Variants in LGR5 observed in about 807,000 individuals in gnomAD.
The protein encoded by LGR5 is leucine-rich repeat-containing G protein-coupled receptor 5.
Under a neutral mutation model 76.7 loss-of-function variants are expected in LGR5, and 54 were observed. The ratio of observed to expected loss-of-function variants is 0.70; its 90% CI spans 0.57 to 0.88. The LOEUF is 0.88. Among genes scored for constraint, LGR5 ranks in the 40% least tolerant of loss-of-function variants. The probability of loss-of-function intolerance (pLI) is 0.00; values close to 1 mark genes in which losing one functional copy is unlikely to be tolerated. For missense variants in LGR5, 1,078 were observed against 1,073.3 expected (o/e 1.00, Z -0.06); for synonymous variants, 406 against 421.9 (o/e 0.96, Z 0.46).
At chr12:71,499,214 G>A (rs535435009) in intron 1 of LGR5, among the ~76,000 whole-genome samples, 2 of 152,212 alleles carry the variant, frequency 1.3e-5, no homozygotes, top group East Asian at 3.9e-4. Flanking sequence ...GAGAGCAACA[G>A]CCTAGGTTTT....
chr12:71,552,156 A>C (rs768037010), intron 4 of LGR5, among the ~76,000 whole-genome samples: 1 of 152,110 alleles, frequency 6.6e-6, no homozygotes, highest in Non-Finnish European at 1.5e-5. Flanking sequence ...AACCTAGATG[A>C]TGTGTTGATA....
In LGR5 at chr12:71,578,713, A is replaced by G. The variant is rs914522404; in HGVS notation, c.1281-91A>G. On this transcript the variant is annotated intron_variant, in intron 14 of 17. Coordinates refer to ENST00000266674, the MANE Select transcript of LGR5 (RefSeq NM_003667.4). The stretch of plus-strand genomic sequence containing the variant: ...CCCTGCTTAGAAGTTTTTATTGAGT[A>G]GTTTAACGATCTTTAGGTTGTTGTT... 3.0e-5 allele frequency: 38 copies of G among 1,278,986 alleles called. No individual in the cohort carries two copies. In the African/African-American group the frequency reaches 5.4e-4, roughly 18 times the overall value. 79.2% of individuals were successfully genotyped at this position (1,278,986 alleles called of 1,614,324 possible). A position where few individuals can be genotyped will look rare whatever the true frequency, so the allele number is the denominator to read the frequency against.
At chr12:71,479,560 G>A (rs1348712466) in intron 1 of LGR5, among the ~76,000 whole-genome samples, 1 of 152,130 alleles carries the variant, frequency 6.6e-6, no homozygotes, top group East Asian at 1.9e-4. Context: ...TGGAGAGGAG[G>A]GAGGCAGGGA....
At chr12:71,572,508 T>C (rs969420733) in intron 12 of LGR5, among the ~76,000 whole-genome samples, 2 of 152,216 alleles carry the variant, frequency 1.3e-5, no homozygotes, top group African/African-American at 4.8e-5. Flanking sequence ...CAAATCCATC[T>C]GTAAAAGGTA....
rs560530935 is a variant in LGR5, at chr12:71,570,520, C to T, written c.1071-994C>T. Reference sequence around the variant, plus strand: ...ATATGTGTGTCCATTTTATTATATTCGCTATTTTTCAAAAATACATACCAT... The same window carrying T: ...ATATGTGTGTCCATTTTATTATATTTGCTATTTTTCAAAAATACATACCAT... On this transcript the variant is annotated intron_variant, in intron 11 of 17. Transcript: ENST00000266674. 8.3e-4 allele frequency among the ~76,000 whole-genome samples: 126 copies of T among 152,054 alleles called. 1 individual carries two copies. The highest frequency in any genetic ancestry group is 1.3e-3 in the African/African-American group (52 of 41,486).
intron 2 of LGR5, among the ~76,000 whole-genome samples, chr12:71,507,697 C>T (rs1332816591): frequency 3.9e-5 from 6 of 152,048 alleles, no homozygotes; most frequent in African/African-American, 9.7e-5. Context: ...AACTAATAAA[C>T]GACCACCCAT....
chr12:71,448,084 A>AACACACACACACACACACACACAC (rs35911721), intron 1 of LGR5, among the ~76,000 whole-genome samples: 381 of 145,672 alleles, frequency 2.6e-3, no homozygotes, highest in Non-Finnish European at 4.7e-3. Context: ...CACACACACA[A>AACACACACACACACACACACACAC]ACACACACAC....
chr12:71,535,112 C>G lies in LGR5; in HGVS notation c.357-3C>G, dbSNP rs775972902. 1.2e-6 allele frequency: 2 copies of G among 1,602,210 alleles called. No individual in the cohort carries two copies. Among genetic ancestry groups the G allele is most frequent in the Non-Finnish European group, 1.7e-6 (2 of 1,171,116 alleles). On this transcript the variant is annotated splice_region_variant and splice_polypyrimidine_tract_variant and intron_variant, in intron 3 of 17. Coordinates refer to ENST00000266674, the MANE Select transcript of LGR5 (RefSeq NM_003667.4). ...ATTTTTCTTTATTTCTTTTAACATA[C>G]AGTATGCTGCAGAATAATCAGCTAA...
chr12:71,502,432 G>A (rs7305329), intron 1 of LGR5, among the ~76,000 whole-genome samples: 52 of 151,748 alleles, frequency 3.4e-4, no homozygotes, highest in Middle Eastern at 6.8e-3. Context: ...TCCTGACCTC[G>A]GGTGACCCAC....
chr12:71,548,687 T>C (rs1351223999), intron 4 of LGR5, among the ~76,000 whole-genome samples: 1 of 152,180 alleles, frequency 6.6e-6, no homozygotes, highest in Admixed American at 6.5e-5. Flanking sequence ...ATGGGAGTTA[T>C]CCCTGTTTTA....
chr12:71,489,798 CA>C (rs1391161166), intron 1 of LGR5, among the ~76,000 whole-genome samples: 3 of 152,174 alleles, frequency 2.0e-5, no homozygotes, highest in Non-Finnish European at 2.9e-5. Flanking sequence ...CATGGTGGCT[CA>C]CACCTGCAGT....
rs150729317 is a variant in LGR5 at position 71,580,337 on chromosome 12, A to G, written c.1466A>G (p.Tyr489Cys). The G allele has an allele frequency of 2.2e-5, 35 of 1,613,844 alleles. No homozygotes were observed. Among genetic ancestry groups the G allele is most frequent in the Non-Finnish European group, 2.7e-5 (32 of 1,179,848 alleles). Residue 489 changes from tyrosine (Y) to cysteine (C), a missense_variant, in exon 16 of 18, where the codon TAT (tyrosine) becomes TGT (cysteine). By Grantham distance (194) the Tyr-to-Cys change is radical (BLOSUM62 -2). Transcript: ENST00000266674. The part of the protein sequence containing the change: ...CCAFGVCENA[Y>C]KISNQWNKGD... ...GCATTTGGAGTGTGTGAGAATGCCTATAAGATTTCTAATCAATGGAATAAA... is the reference window on the plus strand; with the variant it reads ...GCATTTGGAGTGTGTGAGAATGCCTGTAAGATTTCTAATCAATGGAATAAA...
chr12:71,566,939 GTGT>G lies in LGR5; in HGVS notation c.1070+28_1070+30del, dbSNP rs772703165. ...TGCGTATCAGTAAGGCAATAATGTT[GTGT>G]AAACAGGCAACTTCCATTTAGGGGT... On this transcript the variant is annotated intron_variant, in intron 11 of 17. Transcript: ENST00000266674. 2.0e-6 allele frequency: 3 copies of G among 1,521,712 alleles called. No homozygotes were observed. The South Asian group carries it at 3.4e-5, about 17-fold the overall frequency. The allele number at this position is 1,521,712 out of a possible 1,614,324, so 94.3% of individuals were successfully genotyped here. A position where few individuals can be genotyped will look rare whatever the true frequency, so the allele number is the denominator to read the frequency against.
chr12:71,560,412 T>C (rs1877996098), intron 7 of LGR5, among the ~76,000 whole-genome samples: 1 of 152,142 alleles, frequency 6.6e-6, no homozygotes, highest in African/African-American at 2.4e-5. Context: ...CATCTTCACA[T>C]TGAGGAGGCT....
intron 1 of LGR5, among the ~76,000 whole-genome samples, chr12:71,487,766 T>C (rs1241463093): frequency 6.6e-6 from 1 of 152,234 alleles, no homozygotes; most frequent in Non-Finnish European, 1.5e-5. Context: ...TGTGTTATTA[T>C]ACATAGGGGT....
At chr12:71,459,875 G>T (rs1185351315) in intron 1 of LGR5, among the ~76,000 whole-genome samples, 3 of 151,618 alleles carry the variant, frequency 2.0e-5, no homozygotes, top group Admixed American at 1.3e-4. Flanking sequence ...ACTCCTCTGG[G>T]GCTTCCATTT....
chr12:71,483,213 G>A (rs561436803), intron 1 of LGR5, among the ~76,000 whole-genome samples: 5 of 152,294 alleles, frequency 3.3e-5, no homozygotes, highest in African/African-American at 9.6e-5. Context: ...CACTGCTATT[G>A]CGTGTCTACT....
intron 4 of LGR5, among the ~76,000 whole-genome samples, chr12:71,536,967 C>A (rs1277465168): frequency 3.3e-5 from 5 of 152,170 alleles, no homozygotes. Context: ...TCTGGTTTGA[C>A]ACTGACCACA....
At chr12:71,525,412 T>A (rs1875944991) in intron 3 of LGR5, among the ~76,000 whole-genome samples, 1 of 151,804 alleles carries the variant, frequency 6.6e-6, no homozygotes, top group African/African-American at 2.4e-5. Context: ...CTTTCTTTTT[T>A]TTTTTGCTAC....
Sources: allele counts gnomAD v4.1 joint callset (sites outside exome capture counted in the v4.1 genomes callset), GRCh38; gene constraint gnomAD v4.1.1; transcripts MANE v1.5; gene names NCBI Gene and HGNC (gene_info 2026-07-23, HGNC 2026-07-21).